The following PTPRN2 variants were observed in gnomAD, a reference collection of about 807,000 sequenced individuals.
The protein encoded by PTPRN2 is protein tyrosine phosphatase receptor type N2.
A neutral mutation model predicts 118.8 loss-of-function variants in PTPRN2; 74 were observed. The observed-to-expected ratio is 0.62, with a 90% CI of 0.52 to 0.76. The LOEUF (loss-of-function observed/expected upper bound fraction) is 0.76, where lower values mean the gene tolerates loss of function less well. Ranked by LOEUF, PTPRN2 falls within the 30% of genes least tolerant of loss-of-function variation. PTPRN2 has a pLI of 0.00. For synonymous variants in PTPRN2, 641 were observed against 608.0 expected (o/e 1.05, Z -0.80); for missense variants, 1,481 against 1,394.4 (o/e 1.06, Z -0.99).
At chr7:158,532,779 G>C (rs761415486) in intron 1 of PTPRN2, 2 of 534,732 alleles carry the variant, frequency 3.7e-6, no homozygotes, top group South Asian at 2.8e-5. Flanking sequence ...AGACTACATT[G>C]AGCGTGCTGG....
intron 11 of PTPRN2, among the ~76,000 whole-genome samples, chr7:158,066,158 G>T (rs982273884): frequency 6.6e-6 from 1 of 152,346 alleles, no homozygotes; most frequent in Non-Finnish European, 1.5e-5. Context: ...GGGGTCTTGA[G>T]GCTCGGAGGC....
chr7:158,079,659 G>C (rs77758617), intron 11 of PTPRN2, among the ~76,000 whole-genome samples: 2,874 of 152,292 alleles, frequency 0.019, 87 homozygotes, highest in African/African-American at 0.065. Flanking sequence ...CCTGATCACG[G>C]ATTTGGTCTT....
chr7:158,270,841 T>TCCACCTGGACCGCCCCCCC, intron 3 of PTPRN2, among the ~76,000 whole-genome samples: 1 of 4,600 alleles, frequency 2.2e-4, no homozygotes, highest in South Asian at 0.011. Flanking sequence ...GATGACCCCC[T>TCCACCTGGACCGCCCCCCC]CACCTGGACC....
At chr7:157,940,913 G>A (rs868518117) in intron 11 of PTPRN2, among the ~76,000 whole-genome samples, 1 of 6,424 alleles carries the variant, frequency 1.6e-4, no homozygotes, top group Non-Finnish European at 2.2e-4. Flanking sequence ...ACACCCCCCC[G>A]TGACACTGCA....
intron 2 of PTPRN2, among the ~76,000 whole-genome samples, chr7:158,413,110 CCCT>C (rs1317487806): frequency 6.6e-6 from 1 of 151,442 alleles, no homozygotes; most frequent in Non-Finnish European, 1.5e-5. Context: ...CCATCCAGCA[CCCT>C]CCTCAGCTCC....
intron 1 of PTPRN2, among the ~76,000 whole-genome samples, chr7:158,582,296 C>T (rs1828666996): frequency 6.6e-6 from 1 of 152,208 alleles, no homozygotes; most frequent in African/African-American, 2.4e-5. Context: ...AGAAGTGGAA[C>T]ATCATGTCAG....
rs1445101862 is a variant in PTPRN2, at chr7:157,994,638, C to CCG, written c.1723+86658_1723+86659dup. 8.1e-4 allele frequency among the ~76,000 whole-genome samples: 120 copies of CCG among 148,796 alleles called. 5 individuals are homozygous for CCG. The highest frequency in any genetic ancestry group is 1.2e-3 in the Non-Finnish European group (80 of 67,272). ...CAACTCCTGGTTCCTAAAATCAACG[C>CCG]CGTGTCCCCAGCTTACAGCTCCTTG... On this transcript the variant is annotated intron_variant, in intron 11 of 22. Transcript: ENST00000389418.
intron 3 of PTPRN2, among the ~76,000 whole-genome samples, chr7:158,306,857 T>G (rs1251279023): frequency 1.9e-3 from 3 of 1,560 alleles, no homozygotes; most frequent in South Asian, 0.042. Context: ...TGTTTTTTGT[T>G]TTTTTTTTTT....
chr7:157,968,108 C>T (rs140673566), intron 11 of PTPRN2, among the ~76,000 whole-genome samples: 17 of 152,132 alleles, frequency 1.1e-4, no homozygotes, highest in African/African-American at 4.1e-4. Context: ...GGGGAGGACC[C>T]ACTACTCCAG....
rs1400332374 is a variant in PTPRN2, at chr7:158,412,637, G to A, written c.163+77098C>T. On this transcript the variant is annotated intron_variant, in intron 2 of 22. Coordinates refer to ENST00000389418, the MANE Select transcript of PTPRN2 (RefSeq NM_002847.5). Reference sequence around the variant, plus strand: ...CTCCTCAGCACCAGGGCCCACCTCAGCACCCTCCTCAACACCAGGGCCCAT... The same window carrying A: ...CTCCTCAGCACCAGGGCCCACCTCAACACCCTCCTCAACACCAGGGCCCAT... Among the ~76,000 whole-genome samples the A allele has an allele frequency of 3.1e-4, 27 of 88,396 alleles. 1 individual carries two copies. The highest frequency in any genetic ancestry group is 5.9e-4 in the Non-Finnish European group (27 of 45,654). 58.0% of individuals were successfully genotyped at this position (88,396 alleles called of 152,430 possible).
intron 2 of PTPRN2, among the ~76,000 whole-genome samples, chr7:158,333,272 A>G (rs1484815222): frequency 2.3e-5 from 3 of 133,048 alleles, no homozygotes; most frequent in African/African-American, 9.2e-5. Flanking sequence ...GGAGTCACTC[A>G]CACCCACACT....
intron 10 of PTPRN2, among the ~76,000 whole-genome samples, chr7:158,090,989 A>G (rs1017221050): frequency 6.6e-6 from 1 of 152,252 alleles, no homozygotes; most frequent in Non-Finnish European, 1.5e-5. Context: ...CGTCCGGTTG[A>G]GAATGAAGAA....
At chr7:157,830,723 G>T (rs538420912) in intron 12 of PTPRN2, among the ~76,000 whole-genome samples, 1 of 152,346 alleles carries the variant, frequency 6.6e-6, no homozygotes, top group Admixed American at 6.5e-5. Flanking sequence ...TGCTAGAAAA[G>T]ACCAAAACTA....
intron 9 of PTPRN2, among the ~76,000 whole-genome samples, chr7:158,128,166 T>G (rs961415411): frequency 1.3e-5 from 2 of 152,202 alleles, no homozygotes; most frequent in Admixed American, 6.5e-5. Flanking sequence ...AATTAATAGC[T>G]GATCTGTTAA....
chr7:157,908,565 C>T lies in PTPRN2; in HGVS notation c.1724-9828G>A, dbSNP rs144664587. ...AAGTACTCACGGACAAATGTGGAGG[C>T]GCCCCGCAGCACCCCACAATCCCTT... On this transcript the variant is annotated intron_variant, in intron 11 of 22. Coordinates refer to ENST00000389418, the MANE Select transcript of PTPRN2 (RefSeq NM_002847.5). Among the ~76,000 whole-genome samples, 25 of 152,306 alleles carry T rather than the reference C, an allele frequency of 1.6e-4. No homozygotes were observed. In the East Asian group the frequency reaches 4.2e-3, roughly 26 times the overall value.
In PTPRN2 at chr7:157,893,457, A is replaced by T. The variant is rs1796926716; in HGVS notation, c.1788+5216T>A. Among the ~76,000 whole-genome samples, 1 of 152,244 alleles carries T rather than the reference A, an allele frequency of 6.6e-6. No homozygotes were observed. The highest frequency in any genetic ancestry group is 1.5e-5 in the Non-Finnish European group (1 of 68,032). On this transcript the variant is annotated intron_variant, in intron 12 of 22. Coordinates refer to ENST00000389418, the MANE Select transcript of PTPRN2 (RefSeq NM_002847.5). The surrounding 1 kb of genome is among the most constrained non-coding windows in gnomAD (Gnocchi z 4.0). ...GAGTGGGCAGAGGCCAATTCTTTCC[A>T]GAGTTAAATAGTCCACTTCACAGAT...
chr7:158,477,693 A>G (rs1024357899), intron 2 of PTPRN2, among the ~76,000 whole-genome samples: 2 of 152,212 alleles, frequency 1.3e-5, no homozygotes, highest in Non-Finnish European at 2.9e-5. Context: ...AAACTCTTTG[A>G]CACCCCAATA....
intron 2 of PTPRN2, among the ~76,000 whole-genome samples, chr7:158,367,258 G>C (rs974678436): frequency 3.9e-5 from 6 of 152,170 alleles, no homozygotes; most frequent in Admixed American, 1.3e-4. Flanking sequence ...TGCCCCAGGT[G>C]GACGGCCAGG....
intron 1 of PTPRN2, among the ~76,000 whole-genome samples, chr7:158,556,893 G>T (rs1450305098): frequency 7.0e-6 from 1 of 142,578 alleles, no homozygotes; most frequent in Admixed American, 7.0e-5. Flanking sequence ...TGAAGGTCAG[G>T]GGGCTCCCGT....
Sources: gnomAD v4.1 joint callset for allele counts (sites outside exome capture counted in the v4.1 genomes callset) on GRCh38, gnomAD v4.1.1 for gene constraint, Gnocchi (gnomAD v3.1) non-coding constraint, MANE v1.5 for transcripts, NCBI Gene and HGNC (gene_info 2026-07-23, HGNC 2026-07-21) for gene names.